Variants in EXOC2 observed in about 807,000 individuals in gnomAD.
EXOC2 encodes exocyst complex component 2.
Under a neutral mutation model 131.8 loss-of-function variants are expected in EXOC2, and 70 were observed. The observed-to-expected ratio is 0.53, with a 90% CI of 0.44 to 0.65. The LOEUF (loss-of-function observed/expected upper bound fraction) is 0.65. EXOC2 is among the 30% of genes least tolerant of loss of function. The pLI is 0.00. For synonymous variants in EXOC2, 411 were observed against 398.4 expected (o/e 1.03, Z -0.38); for missense variants, 923 against 1,108.6 (o/e 0.83, Z 2.38).
At position 592,380 on chromosome 6, in the gene EXOC2, G is replaced by A. The variant is rs1302047205; in HGVS notation, c.1192+89C>T. 23 of 1,105,370 alleles carry A rather than the reference G, an allele frequency of 2.1e-5. No homozygotes were observed. In the African/African-American group the frequency reaches 3.0e-4, roughly 14 times the overall value. 68.5% of individuals were successfully genotyped at this position (1,105,370 alleles called of 1,614,324 possible). A position where few individuals can be genotyped will look rare whatever the true frequency, so the allele number is the denominator to read the frequency against. On this transcript the variant is annotated intron_variant, in intron 11 of 27. Transcript: ENST00000230449. The stretch of plus-strand genomic sequence containing the variant: ...TAATAAGAGATACCAAGTAAATTAG[G>A]TAGTCAGTGCCTTCATCATTAAACA...
chr6:618,107 T>G (rs1334756722), intron 5 of EXOC2, among the ~76,000 whole-genome samples: 1 of 152,170 alleles, frequency 6.6e-6, no homozygotes, highest in African/African-American at 2.4e-5. Flanking sequence ...AAGAAGTAAA[T>G]GTGTAGATGT....
At chr6:493,935 C>T (rs370532375) in intron 25 of EXOC2, among the ~76,000 whole-genome samples, 16 of 152,286 alleles carry the variant, frequency 1.1e-4, no homozygotes, top group Admixed American at 5.2e-4. Flanking sequence ...GTGGTTTAGC[C>T]ATCAGATAAA....
chr6:656,746 G>A (rs1763128565), intron 1 of EXOC2: 3 of 1,587,498 alleles, frequency 1.9e-6, no homozygotes, highest in East Asian at 2.3e-5. Flanking sequence ...CCTTCCATGC[G>A]AAACTGCTGG....
intron 1 of EXOC2, among the ~76,000 whole-genome samples, chr6:665,855 C>T (rs1372128093): frequency 1.3e-5 from 2 of 152,038 alleles, no homozygotes; most frequent in African/African-American, 2.4e-5. Context: ...GATGGGTGCA[C>T]CAGAATCTCA....
intron 26 of EXOC2, among the ~76,000 whole-genome samples, chr6:490,118 G>A (rs879286703): frequency 1.3e-5 from 2 of 152,166 alleles, no homozygotes; most frequent in Non-Finnish European, 2.9e-5. Flanking sequence ...TTGACAGTAT[G>A]ACAATAATGA....
chr6:582,364 C>T (rs989862102), intron 11 of EXOC2, among the ~76,000 whole-genome samples: 1 of 152,144 alleles, frequency 6.6e-6, no homozygotes, highest in African/African-American at 2.4e-5. Context: ...ATGCCTACTA[C>T]AGCAAGTTTT....
intron 12 of EXOC2, among the ~76,000 whole-genome samples, chr6:573,777 C>A (rs1418461854): frequency 6.6e-6 from 1 of 151,682 alleles, no homozygotes; most frequent in Admixed American, 6.6e-5. Flanking sequence ...GAAAATGACA[C>A]CTGAAAGGTA....
chr6:566,659 A>G (rs1308448784), intron 13 of EXOC2, among the ~76,000 whole-genome samples: 1 of 151,956 alleles, frequency 6.6e-6, no homozygotes, highest in Non-Finnish European at 1.5e-5. Context: ...TCTTTTCTAC[A>G]TGTTGCAGTT....
rs1763003468 is a variant in EXOC2, at chr6:485,655, G to C, written c.*1016C>G. Reference sequence around the variant, plus strand: ...GAAGCCAGTCAGCAGTGAATGTGGGGCAAGTGCATGCGGCTGGTCTACAGC... The same window carrying C: ...GAAGCCAGTCAGCAGTGAATGTGGGCCAAGTGCATGCGGCTGGTCTACAGC... On this transcript the variant is annotated 3_prime_UTR_variant, in exon 28 of 28. Transcript: ENST00000230449. 1 of 152,240 alleles carries C rather than the reference G, an allele frequency of 6.6e-6. No homozygotes were observed. Among genetic ancestry groups the C allele is most frequent in the Non-Finnish European group, 1.5e-5 (1 of 68,056 alleles). The allele number at this position is 152,240 out of a possible 1,614,324, so 9.4% of individuals were successfully genotyped here. A position where few individuals can be genotyped will look rare whatever the true frequency, so the allele number is the denominator to read the frequency against.
intron 7 of EXOC2, among the ~76,000 whole-genome samples, chr6:605,146 G>C (rs1760330894): frequency 6.6e-6 from 1 of 152,182 alleles, no homozygotes; most frequent in African/African-American, 2.4e-5. Flanking sequence ...TCAATGACCA[G>C]TATTCTTACT....
intron 1 of EXOC2, among the ~76,000 whole-genome samples, chr6:673,807 G>C (rs1172618816): frequency 2.0e-5 from 3 of 152,126 alleles, no homozygotes; most frequent in African/African-American, 4.8e-5. Flanking sequence ...ATGAAATATT[G>C]CAAGAAATAC....
In EXOC2 at chr6:495,442, T is replaced by C. The variant is rs1581294917; in HGVS notation, c.2559+1925A>G. 2.0e-5 allele frequency among the ~76,000 whole-genome samples: 3 copies of C among 151,688 alleles called. No homozygotes were observed. In the South Asian group the frequency reaches 6.3e-4, roughly 32 times the overall value. The stretch of plus-strand genomic sequence containing the variant: ...CCCGGCCTGAACATTCTTATAAATA[T>C]GTTTTGTGTCTCGAACCCATGGTGA... On this transcript the variant is annotated intron_variant, in intron 25 of 27. Transcript: ENST00000230449.
intron 1 of EXOC2, among the ~76,000 whole-genome samples, chr6:644,797 C>G (rs1266821344): frequency 6.6e-6 from 1 of 152,208 alleles, no homozygotes; most frequent in South Asian, 2.1e-4. Context: ...ATGTACAAGA[C>G]TTCTACATTA....
chr6:521,970 A>AAAAC (rs1334633187), intron 23 of EXOC2, among the ~76,000 whole-genome samples: 7 of 152,224 alleles, frequency 4.6e-5, no homozygotes, highest in Non-Finnish European at 7.3e-5. Flanking sequence ...ATTAATATAA[A>AAAAC]AAACCCAAGG....
rs1191552394 is a variant in EXOC2 at position 671,930 on chromosome 6, T to A, written c.-44+21089A>T. ...TTATTTTTTATTTATTTATTTATTTTTTGGTACTTGCTTGCCTACTGTTCT... is the reference window on the plus strand; with the variant it reads ...TTATTTTTTATTTATTTATTTATTTATTGGTACTTGCTTGCCTACTGTTCT... On this transcript the variant is annotated intron_variant, in intron 1 of 27. Transcript: ENST00000230449. Among the ~76,000 whole-genome samples the A allele has an allele frequency of 5.3e-5, 8 of 152,148 alleles. No homozygotes were observed. The South Asian group carries it at 6.2e-4, about 12-fold the overall frequency.
Position 497,571 on chromosome 6 carries a change from A to G in EXOC2, c.2437-82T>C, listed in dbSNP as rs985711979. ...AAAGACAAAGTTAACATTCAAAACAAAACAAAAGAAAATCAACAGGACTTC... is the reference window on the plus strand; with the variant it reads ...AAAGACAAAGTTAACATTCAAAACAGAACAAAAGAAAATCAACAGGACTTC... On this transcript the variant is annotated intron_variant, in intron 24 of 27. Transcript: ENST00000230449. 26 of 1,482,018 alleles carry G rather than the reference A, an allele frequency of 1.8e-5. 2 individuals are homozygous for G. In the South Asian group the frequency reaches 3.9e-4, roughly 22 times the overall value. 91.8% of individuals were successfully genotyped at this position (1,482,018 alleles called of 1,614,324 possible). A position where few individuals can be genotyped will look rare whatever the true frequency, so the allele number is the denominator to read the frequency against.
At chr6:558,546 T>C (rs903980676) in intron 17 of EXOC2, among the ~76,000 whole-genome samples, 13 of 152,304 alleles carry the variant, frequency 8.5e-5, no homozygotes, top group African/African-American at 3.1e-4. Flanking sequence ...GTGCGATGGC[T>C]CACGCTCGTA....
At chr6:521,020 AACCGCCCACCG>A in intron 23 of EXOC2, among the ~76,000 whole-genome samples, 1 of 127,820 alleles carries the variant, frequency 7.8e-6, no homozygotes, top group South Asian at 2.6e-4. Context: ...AGATGAAAAC[AACCGCCCACCG>A]AGCGCCGACA....
At chr6:574,317 G>C (rs1038595620) in intron 12 of EXOC2, among the ~76,000 whole-genome samples, 1 of 152,206 alleles carries the variant, frequency 6.6e-6, no homozygotes, top group African/African-American at 2.4e-5. Flanking sequence ...TCTAAAGGAA[G>C]TATGCCCTCA....
Sources: allele counts gnomAD v4.1 joint callset (sites outside exome capture counted in the v4.1 genomes callset), GRCh38; gene constraint gnomAD v4.1.1; transcripts MANE v1.5; gene names NCBI Gene and HGNC (gene_info 2026-07-23, HGNC 2026-07-21).